COMMD5: variants seen among roughly 807,000 people sequenced by gnomAD.
COMMD5 encodes COMM domain containing 5, also known as COMM domain-containing protein 5.
A neutral mutation model predicts 6.9 loss-of-function variants in COMMD5; 10 were observed. The observed-to-expected ratio is 1.44, with a 90% CI of 0.89 to 2.45. The LOEUF is 2.45. Among genes scored for constraint, COMMD5 ranks in the 30% most tolerant of loss-of-function variants. The pLI is 0.00. For synonymous variants in COMMD5, 127 were observed against 125.3 expected (o/e 1.01, Z -0.09); for missense variants, 234 against 287.8 (o/e 0.81, Z 1.35).
chr8:144,849,991 G>A (rs1182316892), downstream of COMMD5, among the ~76,000 whole-genome samples: 3 of 151,980 alleles, frequency 2.0e-5, no homozygotes, highest in East Asian at 1.9e-4. Flanking sequence ...CCTTAAGCAC[G>A]TCAGGCCTCC....
downstream of COMMD5, chr8:144,838,006 A>G (rs1248692177): frequency 5.7e-6 from 4 of 695,848 alleles, no homozygotes; most frequent in Non-Finnish European, 1.1e-5. Flanking sequence ...ATTGTCTCAC[A>G]GCTGTGGAGG....
chr8:144,851,203 T>G lies in COMMD5; in HGVS notation c.136A>C (p.Ser46Arg). 1.2e-6 allele frequency: 2 copies of G among 1,613,908 alleles called. No homozygotes were observed. The highest frequency in any genetic ancestry group is 1.7e-6 in the Non-Finnish European group (2 of 1,180,034). The part of the protein sequence containing the change: ...MARLLGDLDR[S>R]TFRKLLKFVV... ...AACTTCAGCAACTTTCTGAACGTGC[T>G]CCTGTCTAGGTCCCCTAGTAGCCGG... Residue 46 changes from serine to arginine, a missense_variant, in exon 2 of 2, where the codon AGC becomes CGC. By Grantham distance (110) the Ser-to-Arg change is moderately radical. Transcript: ENST00000305103.
chr8:144,842,369 C>G, intron 1 of COMMD5: 1 of 1,614,048 alleles, frequency 6.2e-7, no homozygotes, highest in African/African-American at 1.3e-5. Flanking sequence ...TGTGGGAAAG[C>G]TTTTAGGTGG....
intron 1 of COMMD5, chr8:144,843,420 C>T (rs1830249128): frequency 2.9e-6 from 1 of 340,420 alleles, no homozygotes; most frequent in Admixed American, 4.6e-5. Flanking sequence ...AACCCCATCT[C>T]TACTAAAAAT....
chr8:144,850,483 A>G lies in COMMD5; in HGVS notation c.*181T>C, dbSNP rs922966209. On this transcript the variant is annotated 3_prime_UTR_variant, in exon 2 of 2. Coordinates refer to ENST00000305103, the MANE Select transcript of COMMD5 (RefSeq NM_014066.4). This position sits in a 1 kb window ranked among gnomAD's most constrained non-coding sequence, Gnocchi z 4.0. ...TTTTAGCTGCTTTACTTCCAAAAAG[A>G]AAAAAAGGCATAGCTCTCTTTTTCA... 1.0e-5 allele frequency: 7 copies of G among 698,054 alleles called. No individual in the cohort carries two copies. In the African/African-American group the frequency reaches 1.3e-4, roughly 13 times the overall value. 43.2% of individuals were successfully genotyped at this position (698,054 alleles called of 1,614,324 possible). A position where few individuals can be genotyped will look rare whatever the true frequency, so the allele number is the denominator to read the frequency against.
rs914898868 is a variant in COMMD5, at chr8:144,841,239, T to G, written c.*621A>C. The G allele has an allele frequency of 6.6e-6, 7 of 1,067,202 alleles. No homozygotes were observed. In the African/African-American group the frequency reaches 7.9e-5, roughly 12 times the overall value. 66.1% of individuals were successfully genotyped at this position (1,067,202 alleles called of 1,614,324 possible). On this transcript the variant is annotated 3_prime_UTR_variant and NMD_transcript_variant, in exon 2 of 2. Coordinates refer to the COMMD5 transcript ENST00000530332. The stretch of plus-strand genomic sequence containing the variant: ...CTCTTGCACGTTTCCACCTGGGGCC[T>G]CACAGTGCTCAGTGCAACTATCCTG...
intron 1 of COMMD5, chr8:144,843,895 T>C (rs1268373749): frequency 1.3e-5 from 2 of 152,192 alleles, no homozygotes; most frequent in African/African-American, 4.8e-5. Flanking sequence ...GTGCCTAGAA[T>C]TCCAACTTCA....
intron 1 of COMMD5, chr8:144,843,831 C>T (rs1266139845): frequency 6.6e-6 from 1 of 152,180 alleles, no homozygotes; most frequent in Non-Finnish European, 1.5e-5. Flanking sequence ...CAGTGGCTCA[C>T]ACTGGCTTCA....
chr8:144,844,457 T>C (rs1400252016), intron 1 of COMMD5, among the ~76,000 whole-genome samples: 1 of 151,982 alleles, frequency 6.6e-6, no homozygotes, highest in African/African-American at 2.4e-5. Flanking sequence ...ACGCCTGTAA[T>C]CCCAGCACTT....
intron 1 of COMMD5, chr8:144,843,389 A>C (rs556033117): frequency 2.9e-5 from 14 of 481,928 alleles, no homozygotes; most frequent in African/African-American, 2.4e-4. Context: ...GGAGGTTGAG[A>C]CCATCCTGGG....
At chr8:144,840,700 A>G (rs1326094876), downstream of COMMD5, among the ~76,000 whole-genome samples, 3 of 152,080 alleles carry the variant, frequency 2.0e-5, no homozygotes, top group African/African-American at 7.2e-5. Context: ...GCCCCAGGGA[A>G]GAAGTCAGTG....
At chr8:144,845,899 T>C, downstream of COMMD5, 1 of 1,407,678 alleles carries the variant, frequency 7.1e-7, no homozygotes, top group Admixed American at 2.1e-5. Context: ...CTGAGAAGGG[T>C]CTTGGCAGGT....
chr8:144,850,526 A>G lies in COMMD5; in HGVS notation c.*138T>C, dbSNP rs1272220237. The G allele has an allele frequency of 1.1e-6, 1 of 905,294 alleles. No individual in the cohort carries two copies. The highest frequency in any genetic ancestry group is 1.7e-5 in the African/African-American group (1 of 59,452). The allele number at this position is 905,294 out of a possible 1,614,324, so 56.1% of individuals were successfully genotyped here. A position where few individuals can be genotyped will look rare whatever the true frequency, so the allele number is the denominator to read the frequency against. On this transcript the variant is annotated 3_prime_UTR_variant, in exon 2 of 2. Transcript: ENST00000305103. The surrounding 1 kb of genome is among the most constrained non-coding windows in gnomAD (Gnocchi z 4.0). ...CTTTTTCAATTAAACAGAAAACTACATAATTACGTTCAAACACTCACTGAA... is the reference window on the plus strand; with the variant it reads ...CTTTTTCAATTAAACAGAAAACTACGTAATTACGTTCAAACACTCACTGAA...
intron 1 of COMMD5, chr8:144,841,920 C>A: frequency 6.2e-7 from 1 of 1,614,034 alleles, no homozygotes; most frequent in East Asian, 2.2e-5. Flanking sequence ...ATCAGAGAAT[C>A]CACACGGGAG....
intron 1 of COMMD5, chr8:144,842,046 A>G (rs938472139): frequency 3.7e-6 from 6 of 1,613,984 alleles, no homozygotes; most frequent in Non-Finnish European, 4.2e-6. Flanking sequence ...AATGTGGAAA[A>G]GCTTTTGGTC....
At position 144,844,709 on chromosome 8, in the gene COMMD5, C is replaced by CAAAAAAAAAA. The variant is rs71320849; in HGVS notation, c.*117-2976_*117-2967dup. ...GGGTGACAAGAGTGTGACTCTGTAT[C>CAAAAAAAAAA]AAAAAAAAAAAAAAAAAAAAAAAAA... On this transcript the variant is annotated intron_variant and NMD_transcript_variant, in intron 1 of 1. Coordinates refer to the COMMD5 transcript ENST00000530332. 5.0e-4 allele frequency among the ~76,000 whole-genome samples: 44 copies of CAAAAAAAAAA among 88,630 alleles called. 1 individual carries two copies. Among genetic ancestry groups the CAAAAAAAAAA allele is most frequent in the African/African-American group, 1.7e-3 (41 of 23,726 alleles). 58.1% of individuals were successfully genotyped at this position (88,630 alleles called of 152,430 possible).
At chr8:144,846,247 C>A, downstream of COMMD5, 2 of 1,455,216 alleles carry the variant, frequency 1.4e-6, no homozygotes, top group East Asian at 2.5e-5. Flanking sequence ...CAAAAAGGGG[C>A]TGGGGTGCAA....
rs1417351950 is a variant in COMMD5, at chr8:144,850,406, T to C, written c.*258A>G. ...GGCCACGTCCAGCACCAAAGACAAA[T>C]GTACAGGGAAGGGGAGGGTGTGAGG... On this transcript the variant is annotated 3_prime_UTR_variant, in exon 2 of 2. Transcript: ENST00000305103. This position sits in a 1 kb window ranked among gnomAD's most constrained non-coding sequence, Gnocchi z 4.0. 2.3e-6 allele frequency: 1 copy of C among 429,636 alleles called. No homozygotes were observed. Among genetic ancestry groups the C allele is most frequent in the Non-Finnish European group, 4.2e-6 (1 of 240,362 alleles). The allele number at this position is 429,636 out of a possible 1,614,324, so 26.6% of individuals were successfully genotyped here.
downstream of COMMD5, among the ~76,000 whole-genome samples, chr8:144,839,470 C>G (rs188207971): frequency 6.6e-6 from 1 of 152,238 alleles, no homozygotes; most frequent in Non-Finnish European, 1.5e-5. Flanking sequence ...TAAAATGTCT[C>G]CAACATGGAC....
Sources: allele counts gnomAD v4.1 joint callset (sites outside exome capture counted in the v4.1 genomes callset), GRCh38; gene constraint gnomAD v4.1.1; non-coding constraint Gnocchi (gnomAD v3.1); transcripts MANE v1.5; gene names NCBI Gene and HGNC (gene_info 2026-07-23, HGNC 2026-07-21).